SKIC3: variants seen among roughly 807,000 people sequenced by gnomAD.
SKIC3 encodes the protein superkiller complex protein 3.
the SKIC3 span, among the ~76,000 whole-genome samples, chr5:95,482,895 T>G: frequency 6.6e-6 from 1 of 152,160 alleles, no homozygotes; most frequent in Admixed American, 6.6e-5. Flanking sequence ...TACTCTTAAG[T>G]GATATCCTGA....
At chr5:95,530,040 C>A in the SKIC3 span, 1 of 1,602,490 alleles carries the variant, frequency 6.2e-7, no homozygotes, top group Non-Finnish European at 8.5e-7. Flanking sequence ...TGCCTACTGA[C>A]TGAATAATAA....
the SKIC3 span, chr5:95,482,431 GTGTTTT>G: frequency 1.9e-6 from 3 of 1,587,612 alleles, no homozygotes; most frequent in East Asian, 6.7e-5. Flanking sequence ...ATATTATGAA[GTGTTTT>G]AATTGAGGAC....
the SKIC3 span, among the ~76,000 whole-genome samples, chr5:95,501,612 C>T: frequency 2.0e-5 from 3 of 151,526 alleles, no homozygotes; most frequent in Non-Finnish European, 2.9e-5. Context: ...ACATAAAAAA[C>T]AAAAAACCTA....
At chr5:95,522,515 T>C in the SKIC3 span, among the ~76,000 whole-genome samples, 2 of 152,116 alleles carry the variant, frequency 1.3e-5, no homozygotes, top group African/African-American at 4.8e-5. Context: ...AAGAATAAAA[T>C]GCTTTTTTTG....
At chr5:95,470,718 A>T in the SKIC3 span, among the ~76,000 whole-genome samples, 1 of 152,138 alleles carries the variant, frequency 6.6e-6, no homozygotes, top group African/African-American at 2.4e-5. Context: ...AAAACTTTTT[A>T]AAAATTTTAC....
chr5:95,546,581 T>C, the SKIC3 span, among the ~76,000 whole-genome samples: 2 of 152,118 alleles, frequency 1.3e-5, no homozygotes, highest in South Asian at 4.1e-4. Flanking sequence ...TCCCTCAAGC[T>C]CTGGATCCCA....
At chr5:95,507,759 T>C in the SKIC3 span, among the ~76,000 whole-genome samples, 1 of 152,300 alleles carries the variant, frequency 6.6e-6, no homozygotes, top group South Asian at 2.1e-4. Flanking sequence ...TATTTAGATT[T>C]ATGCCTAATT....
the SKIC3 span, chr5:95,491,117 T>A: frequency 7.8e-6 from 12 of 1,540,802 alleles, no homozygotes; most frequent in Non-Finnish European, 1.1e-5. Context: ...AGATTAAGAG[T>A]TTACAAGTTA....
chr5:95,480,449 A>AG, the SKIC3 span, among the ~76,000 whole-genome samples: 1 of 152,168 alleles, frequency 6.6e-6, no homozygotes, highest in African/African-American at 2.4e-5. Context: ...AGCATACGAA[A>AG]AGTTGTTTGA....
the SKIC3 span, among the ~76,000 whole-genome samples, chr5:95,485,540 G>A: frequency 6.6e-6 from 1 of 152,162 alleles, no homozygotes; most frequent in Non-Finnish European, 1.5e-5. Context: ...TTGAATTGGT[G>A]AAGTGTTGTT....
the SKIC3 span, chr5:95,514,905 T>G: frequency 5.6e-6 from 9 of 1,612,626 alleles, 1 homozygote; most frequent in South Asian, 9.9e-5. Context: ...TGAGCCATTT[T>G]GAAAGCCTCA....
the SKIC3 span, chr5:95,523,141 G>C: frequency 1.9e-6 from 3 of 1,598,946 alleles, no homozygotes; most frequent in Non-Finnish European, 2.6e-6. Flanking sequence ...CAATTAAAAT[G>C]CTTAATTTAA....
chr5:95,464,549 T>C, the SKIC3 span: 1 of 1,310,266 alleles, frequency 7.6e-7, no homozygotes, highest in Non-Finnish European at 1.1e-6. Flanking sequence ...GAAGTCTTGA[T>C]TCATTGCTTC....
chr5:95,487,779 G>C, the SKIC3 span, among the ~76,000 whole-genome samples: 1 of 152,000 alleles, frequency 6.6e-6, no homozygotes, highest in Non-Finnish European at 1.5e-5. Context: ...ACAAGAAAAA[G>C]CAAGGAAATA....
chr5:95,495,693 A>T, the SKIC3 span, among the ~76,000 whole-genome samples: 1 of 152,110 alleles, frequency 6.6e-6, no homozygotes, highest in East Asian at 1.9e-4. Context: ...ATGAAATAAA[A>T]CCCTGCTGAT....
At chr5:95,524,452 G>C in the SKIC3 span, 1 of 1,612,284 alleles carries the variant, frequency 6.2e-7, no homozygotes, top group Admixed American at 1.7e-5. Flanking sequence ...TTGAATTGTA[G>C]CACTTGCTTT....
the SKIC3 span, among the ~76,000 whole-genome samples, chr5:95,496,684 C>T: frequency 6.6e-6 from 1 of 152,082 alleles, no homozygotes; most frequent in Non-Finnish European, 1.5e-5. Context: ...CAAGTACACA[C>T]AATTGGGTAA....
At chr5:95,481,428 A>AG in the SKIC3 span, among the ~76,000 whole-genome samples, 2 of 152,300 alleles carry the variant, frequency 1.3e-5, no homozygotes, top group South Asian at 4.1e-4. Flanking sequence ...CCAGCCACAG[A>AG]GAACTGTAAG....
chr5:95,514,349 G>A, the SKIC3 span, among the ~76,000 whole-genome samples: 10,632 of 152,130 alleles, frequency 0.07, 444 homozygotes, highest in South Asian at 0.14. Context: ...TAGTAACAAA[G>A]TATCCTGATT....
Sources: gnomAD v4.1 joint callset for allele counts (sites outside exome capture counted in the v4.1 genomes callset) on GRCh38, gnomAD v4.1.1 for gene constraint, MANE v1.5 for transcripts, NCBI Gene and HGNC (gene_info 2026-07-23, HGNC 2026-07-21) for gene names.